Variants in TBL1XR1 observed in about 807,000 individuals in gnomAD.
TBL1XR1 encodes TBL1X/Y related 1.
A neutral mutation model predicts 66.9 loss-of-function variants in TBL1XR1; 5 were observed. The ratio of observed to expected loss-of-function variants is 0.07; its 90% CI spans 0.04 to 0.16. TBL1XR1 has a LOEUF of 0.16. TBL1XR1 is among the 10% of genes least tolerant of loss of function. The pLI is 1.00. For synonymous variants in TBL1XR1, 210 were observed against 206.0 expected (o/e 1.02, Z -0.17); for missense variants, 238 against 623.2 (o/e 0.38, Z 6.58).
intron 1 of TBL1XR1, among the ~76,000 whole-genome samples, chr3:177,102,250 G>C (rs570340512): frequency 6.6e-6 from 1 of 152,224 alleles, no homozygotes; most frequent in South Asian, 2.1e-4. Flanking sequence ...GACCACAATA[G>C]TGATTTAATA....
chr3:177,142,214 T>C (rs980192902), intron 1 of TBL1XR1, among the ~76,000 whole-genome samples: 1 of 152,196 alleles, frequency 6.6e-6, no homozygotes, highest in Non-Finnish European at 1.5e-5. Context: ...CCAGTGGTGT[T>C]TGACAGCAAT....
At chr3:177,164,375 G>C (rs1005735598) in intron 1 of TBL1XR1, among the ~76,000 whole-genome samples, 12 of 150,406 alleles carry the variant, frequency 8.0e-5, no homozygotes, top group African/African-American at 2.7e-4. Flanking sequence ...TTGAAATGTG[G>C]AGTCTTGCCT....
At chr3:177,150,634 C>T (rs1482999522) in intron 1 of TBL1XR1, among the ~76,000 whole-genome samples, 3 of 152,172 alleles carry the variant, frequency 2.0e-5, no homozygotes, top group Non-Finnish European at 4.4e-5. Context: ...TGTTTCTTAC[C>T]ATTTCTTGGT....
chr3:177,037,126 T>G (rs1018752319), intron 12 of TBL1XR1, among the ~76,000 whole-genome samples: 8 of 152,214 alleles, frequency 5.3e-5, no homozygotes, highest in African/African-American at 1.9e-4. Context: ...CTGCTATGTA[T>G]CAGTTTCCCA....
chr3:177,159,871 A>G (rs1731964755), intron 1 of TBL1XR1, among the ~76,000 whole-genome samples: 1 of 152,204 alleles, frequency 6.6e-6, no homozygotes, highest in Admixed American at 6.5e-5. Context: ...ACGTTTTTGC[A>G]GTAAAATTTA....
At chr3:177,063,928 A>G (rs1718831988) in intron 3 of TBL1XR1, among the ~76,000 whole-genome samples, 1 of 152,294 alleles carries the variant, frequency 6.6e-6, no homozygotes, top group East Asian at 1.9e-4. Flanking sequence ...GGAACATCTC[A>G]GCAAGCAACA....
chr3:177,184,754 G>A (rs186783396), intron 1 of TBL1XR1, among the ~76,000 whole-genome samples: 10 of 151,198 alleles, frequency 6.6e-5, no homozygotes, highest in Non-Finnish European at 1.5e-4. Context: ...TAAGCCGATC[G>A]CACCACTGCA....
At chr3:177,198,589 C>G (rs571068691), upstream of TBL1XR1, among the ~76,000 whole-genome samples, 1 of 152,106 alleles carries the variant, frequency 6.6e-6, no homozygotes, top group Admixed American at 6.6e-5. Context: ...GGGTGGTAAT[C>G]TTTCTAAGAC....
intron 7 of TBL1XR1, 133 bp from the exon 8 acceptor site, chr3:177,047,682 G>T: frequency 9.8e-7 from 1 of 1,020,028 alleles, no homozygotes; most frequent in Non-Finnish European, 1.4e-6. Context: ...TGTCAGTTTT[G>T]CCTACTTGTG....
At chr3:177,146,589 C>CAAAAAAAGAAAAAAAAAA (rs1730279791) in intron 1 of TBL1XR1, among the ~76,000 whole-genome samples, 1 of 51,958 alleles carries the variant, frequency 1.9e-5, no homozygotes, top group Non-Finnish European at 3.5e-5. Flanking sequence ...GACTCCATCT[C>CAAAAAAAGAAAAAAAAAA]AAAAAAAAAA....
At chr3:177,071,707 G>C (rs527255005) in intron 2 of TBL1XR1, among the ~76,000 whole-genome samples, 2 of 152,264 alleles carry the variant, frequency 1.3e-5, no homozygotes, top group East Asian at 3.9e-4. Flanking sequence ...TCAGCTAATA[G>C]ATTGACACAT....
At chr3:177,112,107 A>ATT (rs71170852) in intron 1 of TBL1XR1, among the ~76,000 whole-genome samples, 600 of 37,600 alleles carry the variant, frequency 0.016, 41 homozygotes, top group Admixed American at 0.033. Flanking sequence ...ATATATATAT[A>ATT]TTTTTTTTTT....
chr3:177,161,224 G>A (rs1478076121), intron 1 of TBL1XR1, among the ~76,000 whole-genome samples: 1 of 152,014 alleles, frequency 6.6e-6, no homozygotes, highest in Non-Finnish European at 1.5e-5. Context: ...TATCATCTTA[G>A]ATAACCCCTG....
chr3:177,177,429 G>A (rs947338224), intron 1 of TBL1XR1, among the ~76,000 whole-genome samples: 9 of 152,184 alleles, frequency 5.9e-5, no homozygotes, highest in East Asian at 5.8e-4. Context: ...CAGCCTAGGC[G>A]ACAGAGCAAG....
At chr3:177,077,520 GTC>G (rs1396539283) in intron 2 of TBL1XR1, among the ~76,000 whole-genome samples, 6 of 152,110 alleles carry the variant, frequency 3.9e-5, no homozygotes, top group African/African-American at 1.4e-4. Context: ...TTACAGCCAC[GTC>G]TCTCTTTCTA....
At chr3:177,156,736 A>G (rs910446181) in intron 1 of TBL1XR1, among the ~76,000 whole-genome samples, 24 of 152,138 alleles carry the variant, frequency 1.6e-4, no homozygotes, top group South Asian at 2.1e-4. Flanking sequence ...AGTAAAAACT[A>G]AAACACAAGG....
In TBL1XR1 at chr3:177,087,693, A is replaced by T. The variant is rs565006667; in HGVS notation, c.-46+10773T>A. On this transcript the variant is annotated intron_variant, in intron 2 of 15. Transcript: ENST00000457928. ...CATGTTAATTTCTGTCTCAAGCAAA[A>T]TTTTTTTTTTTTAAATCATGCAATC... Among the ~76,000 whole-genome samples the T allele has an allele frequency of 1.3e-4, 20 of 149,932 alleles. No homozygotes were observed. The East Asian group carries it at 3.7e-3, about 28-fold the overall frequency.
Position 177,137,045 on chromosome 3 carries a change from A to C in TBL1XR1, c.-121-38504T>G, listed in dbSNP as rs530329335. ...AGTGACGGCAAGCAATATGACAATG[A>C]CTATGCATGCTTACTTCTATAACAG... On this transcript the variant is annotated intron_variant, in intron 1 of 15. Coordinates refer to ENST00000457928, the MANE Select transcript of TBL1XR1 (RefSeq NM_024665.7). 8.1e-4 allele frequency among the ~76,000 whole-genome samples: 124 copies of C among 152,362 alleles called. 1 individual carries two copies. Among genetic ancestry groups the C allele is most frequent in the African/African-American group, 3.0e-3 (124 of 41,586 alleles).
Position 177,051,655 on chromosome 3 carries a change from T to C in TBL1XR1, c.276A>G (p.Val92=). 1.9e-6 allele frequency: 3 copies of C among 1,613,542 alleles called. No individual in the cohort carries two copies. Among genetic ancestry groups the C allele is most frequent in the Non-Finnish European group, 2.5e-6 (3 of 1,179,688 alleles). ...CTCTATAAGCTTGTTGTCTTGTTTG[T>C]ACTACATCAGGCATTACGGCATCTA... ...SLIDAVMPDV[V]QTRQQAYRDK... Residue 92 remains valine, a synonymous_variant, in exon 5 of 16, where the codon GTA becomes GTG. Coordinates refer to ENST00000457928, the MANE Select transcript of TBL1XR1 (RefSeq NM_024665.7).
Sources: gnomAD v4.1 joint callset for allele counts (sites outside exome capture counted in the v4.1 genomes callset) on GRCh38, gnomAD v4.1.1 for gene constraint, MANE v1.5 for transcripts, NCBI Gene and HGNC (gene_info 2026-07-23, HGNC 2026-07-21) for gene names.